ZFHX4: variants seen among roughly 807,000 people sequenced by gnomAD.
ZFHX4 encodes zinc finger homeobox 4, also known as zinc finger homeobox protein 4.
ZFHX4 carries 56 observed loss-of-function variants against 267.6 expected under a neutral mutation model. The observed-to-expected ratio is 0.21, with a 90% CI of 0.17 to 0.26. The LOEUF is 0.26. Among genes scored for constraint, ZFHX4 ranks in the 10% least tolerant of loss-of-function variants. The pLI is 1.00. For missense variants in ZFHX4, 4,332 were observed against 4,420.0 expected (o/e 0.98, Z 0.56); for synonymous variants, 1,778 against 1,665.6 (o/e 1.07, Z -1.64).
intron 1 of ZFHX4, among the ~76,000 whole-genome samples, chr8:76,681,872 C>T (rs1319785626): frequency 6.6e-6 from 1 of 152,128 alleles, no homozygotes; most frequent in Non-Finnish European, 1.5e-5. Context: ...CAAGGTTTTG[C>T]TCCGCTGAGG....
intron 1 of ZFHX4, among the ~76,000 whole-genome samples, chr8:76,686,766 A>G (rs1229177539): frequency 6.6e-6 from 1 of 152,208 alleles, no homozygotes; most frequent in Non-Finnish European, 1.5e-5. Context: ...ATGAGTCTTT[A>G]AAGACTAATC....
intron 4 of ZFHX4, chr8:76,782,100 A>ATTTTTTTTTTTTTTTTTTTTTTTTTTTT (rs77420241): frequency 3.8e-5 from 9 of 236,756 alleles, no homozygotes; most frequent in East Asian, 1.5e-4. Context: ...TCAGTTAAGA[A>ATTTTTTTTTTTTTTTTTTTTTTTTTTTT]TTTTTTTTTT....
chr8:76,758,748 C>T (rs1201800819), intron 3 of ZFHX4, among the ~76,000 whole-genome samples: 4 of 152,070 alleles, frequency 2.6e-5, no homozygotes, highest in Non-Finnish European at 5.9e-5. Context: ...CTTGCCTTGG[C>T]CCCCCAAAGT....
At chr8:76,796,618 C>A (rs1810986126) in intron 4 of ZFHX4, among the ~76,000 whole-genome samples, 2 of 152,292 alleles carry the variant, frequency 1.3e-5, no homozygotes, top group South Asian at 2.1e-4. Context: ...CGTAATACTT[C>A]AGTGGCTGAG....
chr8:76,727,771 T>C (rs1808891459), intron 3 of ZFHX4, among the ~76,000 whole-genome samples: 1 of 152,222 alleles, frequency 6.6e-6, no homozygotes. Context: ...AGATAAGTAG[T>C]GCCTGTGATA....
chr8:76,769,226 T>C (rs1585925596), intron 3 of ZFHX4, among the ~76,000 whole-genome samples: 1 of 152,200 alleles, frequency 6.6e-6, no homozygotes, highest in African/African-American at 2.4e-5. Flanking sequence ...GATCTTTCCA[T>C]ATGTGAGAAA....
Position 76,865,324 on chromosome 8 carries a change from C to T in ZFHX4, c.*759C>T, listed in dbSNP as rs1054555902. ...TCTACCTTCTCACTTTTACCTCTGACGTCATTCTTTTTTTCTGAAAGAGGT... is the reference window on the plus strand; with the variant it reads ...TCTACCTTCTCACTTTTACCTCTGATGTCATTCTTTTTTTCTGAAAGAGGT... On this transcript the variant is annotated 3_prime_UTR_variant, in exon 11 of 11. Transcript: ENST00000651372. The T allele has an allele frequency of 4.6e-5, 7 of 152,506 alleles. No homozygotes were observed. Among genetic ancestry groups the T allele is most frequent in the Non-Finnish European group, 7.4e-5 (5 of 68,026 alleles). 9.4% of individuals were successfully genotyped at this position (152,506 alleles called of 1,614,324 possible). A position where few individuals can be genotyped will look rare whatever the true frequency, so the allele number is the denominator to read the frequency against.
chr8:76,689,483 C>A lies in ZFHX4; in HGVS notation c.-47+7863C>A, dbSNP rs75681129. ...TGTGAGAACTAAAAGTGCACAATTT[C>A]TCTTGGCACTTGTTTTAGTTATCCC... On this transcript the variant is annotated intron_variant, in intron 1 of 10. Coordinates refer to ENST00000651372, the MANE Select transcript of ZFHX4 (RefSeq NM_024721.5). 5.4e-3 allele frequency among the ~76,000 whole-genome samples: 815 copies of A among 152,242 alleles called. 9 individuals carry two copies. Among genetic ancestry groups the A allele is most frequent in the African/African-American group, 0.019 (776 of 41,572 alleles).
intron 3 of ZFHX4, among the ~76,000 whole-genome samples, chr8:76,756,684 A>T (rs1364790592): frequency 6.6e-6 from 1 of 152,110 alleles, no homozygotes; most frequent in Non-Finnish European, 1.5e-5. Flanking sequence ...CAAGATTAGA[A>T]TCTATGTTAC....
At chr8:76,838,939 C>T (rs1332027713) in intron 5 of ZFHX4, among the ~76,000 whole-genome samples, 1 of 151,966 alleles carries the variant, frequency 6.6e-6, no homozygotes, top group Non-Finnish European at 1.5e-5. Flanking sequence ...CCTGTGGTCC[C>T]AGCCACTTGG....
intron 3 of ZFHX4, among the ~76,000 whole-genome samples, chr8:76,736,047 C>T (rs1443338632): frequency 6.6e-6 from 1 of 151,892 alleles, no homozygotes; most frequent in East Asian, 1.9e-4. Flanking sequence ...GGAAACTCAT[C>T]TTTGCCTTAT....
chr8:76,862,374 C>T (rs1812893934), intron 10 of ZFHX4, among the ~76,000 whole-genome samples: 1 of 152,134 alleles, frequency 6.6e-6, no homozygotes, highest in Admixed American at 6.5e-5. Context: ...TTAATATATG[C>T]AGTTCCTGTC....
Position 76,863,308 on chromosome 8 carries a change from G to T in ZFHX4, c.9594G>T (p.Lys3198Asn), listed in dbSNP as rs546306466. 6.2e-6 allele frequency: 10 copies of T among 1,612,572 alleles called. No individual in the cohort carries two copies. In the South Asian group the frequency reaches 1.1e-4, roughly 18 times the overall value. Residue 3198 changes from lysine (K) to asparagine (N), a missense_variant, in exon 11 of 11, where the codon AAG becomes AAT. Lys to Asn is a moderately conservative substitution (Grantham distance 94, BLOSUM62 0). Transcript: ENST00000651372. The stretch of plus-strand genomic sequence containing the variant: ...AGAAAAAGCAAACTAAGCCAAACAA[G>T]GTGAAAAAAATCAAAGAGGAGGAAT... ...ESEKKQTKPN[K>N]VKKIKEEELE...
At chr8:76,811,546 GA>G (rs1324673409) in intron 4 of ZFHX4, among the ~76,000 whole-genome samples, 3 of 151,658 alleles carry the variant, frequency 2.0e-5, no homozygotes, top group African/African-American at 4.8e-5. Flanking sequence ...CCTGTGGATG[GA>G]AAAAAAACTA....
At chr8:76,761,500 TTTAC>T (rs1317633600) in intron 3 of ZFHX4, among the ~76,000 whole-genome samples, 4 of 152,176 alleles carry the variant, frequency 2.6e-5, no homozygotes, top group African/African-American at 9.6e-5. Context: ...TTTCTTTTCT[TTTAC>T]TTCTCCTTTA....
chr8:76,795,508 G>A (rs1810955365), intron 4 of ZFHX4, among the ~76,000 whole-genome samples: 1 of 150,264 alleles, frequency 6.7e-6, no homozygotes, highest in Admixed American at 6.6e-5. Flanking sequence ...TAAATTTTAA[G>A]CCATTTTGAT....
chr8:76,799,771 C>T lies in ZFHX4; in HGVS notation c.3325+21332C>T, dbSNP rs554364426. Among the ~76,000 whole-genome samples, 142 of 151,954 alleles carry T rather than the reference C, an allele frequency of 9.3e-4. 1 individual carries two copies. Among genetic ancestry groups the T allele is most frequent in the Non-Finnish European group, 1.8e-3 (123 of 68,006 alleles). On this transcript the variant is annotated intron_variant, in intron 4 of 10. Coordinates refer to ENST00000651372, the MANE Select transcript of ZFHX4 (RefSeq NM_024721.5). ...ATTATTTGTGAAAATATTAAAACAC[C>T]ACCTAGAAATGCTTCCTCGTCACGA...
intron 10 of ZFHX4, among the ~76,000 whole-genome samples, chr8:76,861,533 G>A (rs1812867004): frequency 6.6e-6 from 1 of 151,990 alleles, no homozygotes; most frequent in African/African-American, 2.4e-5. Context: ...AGAGTTGAGT[G>A]TAGCAAAGTT....
chr8:76,728,496 G>A (rs1232100861), intron 3 of ZFHX4, among the ~76,000 whole-genome samples: 4 of 152,178 alleles, frequency 2.6e-5, no homozygotes, highest in Non-Finnish European at 5.9e-5. Flanking sequence ...CAAGAGGCAG[G>A]AAATCAGTGA....
Sources: gnomAD v4.1 joint callset for allele counts (sites outside exome capture counted in the v4.1 genomes callset) on GRCh38, gnomAD v4.1.1 for gene constraint, MANE v1.5 for transcripts, NCBI Gene and HGNC (gene_info 2026-07-23, HGNC 2026-07-21) for gene names.